SLAIN2: variants seen among roughly 807,000 people sequenced by gnomAD.
SLAIN2 encodes the protein SLAIN motif-containing protein 2.
A neutral mutation model predicts 56.6 loss-of-function variants in SLAIN2; 31 were observed. That is an observed-to-expected ratio of 0.55 (90% CI 0.41 to 0.74). The LOEUF (loss-of-function observed/expected upper bound fraction) is 0.74, where lower values mean the gene tolerates loss of function less well. Among genes scored for constraint, SLAIN2 ranks in the 30% least tolerant of loss-of-function variants. The pLI, the probability that SLAIN2 is intolerant of heterozygous loss-of-function variation, is 0.00. For missense variants in SLAIN2, 777 were observed against 754.2 expected, an observed-to-expected ratio of 1.03 and a Z score of -0.35; for synonymous variants, 317 against 284.9, an observed-to-expected ratio of 1.11 and a Z score of -1.13.
intron 6 of SLAIN2, among the ~76,000 whole-genome samples, chr4:48,404,670 T>C (rs1224567583): frequency 1.3e-5 from 2 of 152,238 alleles, no homozygotes; most frequent in East Asian, 3.8e-4. Flanking sequence ...GATAACATTA[T>C]AGGGTTTATT....
At chr4:48,386,092 A>G (rs1214560371) in intron 6 of SLAIN2, among the ~76,000 whole-genome samples, 1 of 129,534 alleles carries the variant, frequency 7.7e-6, no homozygotes, top group Non-Finnish European at 1.6e-5. Context: ...TATTGAAAGA[A>G]AAAAAAAAAA....
At chr4:48,408,601 G>A (rs1253459078) in intron 6 of SLAIN2, among the ~76,000 whole-genome samples, 1 of 150,506 alleles carries the variant, frequency 6.6e-6, no homozygotes, top group African/African-American at 2.4e-5. Flanking sequence ...TGTAGAATAA[G>A]GATATAAAGA....
intron 6 of SLAIN2, among the ~76,000 whole-genome samples, chr4:48,402,965 C>A (rs1390778266): frequency 6.6e-6 from 1 of 152,172 alleles, no homozygotes; most frequent in Non-Finnish European, 1.5e-5. Flanking sequence ...GCCCTTCTTC[C>A]ATAGGGCTGC....
chr4:48,357,895 C>T (rs1244267814), intron 1 of SLAIN2, among the ~76,000 whole-genome samples: 2 of 151,670 alleles, frequency 1.3e-5, no homozygotes, highest in Non-Finnish European at 2.9e-5. Flanking sequence ...GACAGTGTCT[C>T]ACTATGTTGC....
chr4:48,350,543 G>A (rs1181411952), intron 1 of SLAIN2, among the ~76,000 whole-genome samples: 1 of 152,158 alleles, frequency 6.6e-6, no homozygotes, highest in Non-Finnish European at 1.5e-5. Flanking sequence ...AGAGCACATT[G>A]CATGTGACTC....
At chr4:48,400,316 G>C (rs1390641657) in intron 6 of SLAIN2, among the ~76,000 whole-genome samples, 1 of 151,022 alleles carries the variant, frequency 6.6e-6, no homozygotes, top group Non-Finnish European at 1.5e-5. Flanking sequence ...ATTATCTGAT[G>C]GTTGTTTGTA....
chr4:48,363,950 G>A (rs1350249662), intron 1 of SLAIN2, among the ~76,000 whole-genome samples: 9 of 120,806 alleles, frequency 7.4e-5, no homozygotes, highest in East Asian at 2.4e-4. Context: ...CCTCCCGGAC[G>A]GGGCGGCTGG....
At chr4:48,379,891 C>T in intron 4 of SLAIN2, 43 bp downstream of exon 4, 1 of 1,404,950 alleles carries the variant, frequency 7.1e-7, no homozygotes, top group Non-Finnish European at 9.3e-7. Flanking sequence ...TTTACTATTG[C>T]ATAATTTTGT....
intron 1 of SLAIN2, among the ~76,000 whole-genome samples, chr4:48,344,503 A>G (rs1440175361): frequency 1.3e-5 from 2 of 152,168 alleles, no homozygotes; most frequent in South Asian, 4.1e-4. Context: ...GGATGGAATA[A>G]ATGTGGGAAA....
intron 1 of SLAIN2, among the ~76,000 whole-genome samples, chr4:48,353,151 G>GAA (rs1307772401): frequency 6.6e-6 from 1 of 152,104 alleles, no homozygotes; most frequent in East Asian, 1.9e-4. Context: ...TCAGCAGTGT[G>GAA]AAAACCAACT....
intron 6 of SLAIN2, among the ~76,000 whole-genome samples, chr4:48,414,827 C>T (rs1485741916): frequency 6.1e-5 from 3 of 49,120 alleles, no homozygotes; most frequent in Admixed American, 4.8e-4. Context: ...TTTGTTCTTG[C>T]GATAGTTTAC....
chr4:48,342,177 C>T (rs1360991675), intron 1 of SLAIN2, 49 bp downstream of exon 1: 2 of 1,327,550 alleles, frequency 1.5e-6, no homozygotes, highest in African/African-American at 1.5e-5. Flanking sequence ...GGCCCGGGGG[C>T]GGAGAGCGTC....
intron 6 of SLAIN2, among the ~76,000 whole-genome samples, chr4:48,419,233 G>C (rs1175292687): frequency 6.6e-6 from 1 of 151,852 alleles, no homozygotes; most frequent in Non-Finnish European, 1.5e-5. Flanking sequence ...CTCCCAAGTA[G>C]CTGGGACTAC....
intron 6 of SLAIN2, among the ~76,000 whole-genome samples, chr4:48,402,864 C>T (rs945699158): frequency 1.3e-5 from 2 of 152,130 alleles, no homozygotes; most frequent in African/African-American, 2.4e-5. Flanking sequence ...GCTTATCTAC[C>T]TTTGATCTTT....
At position 48,420,308 on chromosome 4, in the gene SLAIN2, C is replaced by G. The variant is rs753656945; in HGVS notation, c.1544C>G (p.Pro515Arg). ...MVQSTVSANP[P>R]SNINSATLTR... is the part of the protein sequence containing the mutation. ...CAGAGCACAGTCTCAGCAAATCCTCCCAGCAATATCAACAGCGCTACTCTA... is the reference window on the plus strand; with the variant it reads ...CAGAGCACAGTCTCAGCAAATCCTCGCAGCAATATCAACAGCGCTACTCTA... The change falls in exon 7 of 8, where the codon CCC (proline) becomes CGC (arginine). Residue 515 changes from proline to arginine, a missense_variant. Transcript: ENST00000264313. 5.0e-6 allele frequency: 8 copies of G among 1,613,846 alleles called. No homozygotes were observed. Among genetic ancestry groups the G allele is most frequent in the Non-Finnish European group, 6.8e-6 (8 of 1,179,882 alleles).
intron 1 of SLAIN2, among the ~76,000 whole-genome samples, chr4:48,348,689 C>G (rs78425937): frequency 2.0e-5 from 2 of 98,520 alleles, no homozygotes; most frequent in African/African-American, 7.7e-5. Flanking sequence ...GACTCTGTCT[C>G]AAAAAAAAAA....
At chr4:48,350,753 G>C (rs1020172345) in intron 1 of SLAIN2, among the ~76,000 whole-genome samples, 3 of 152,140 alleles carry the variant, frequency 2.0e-5, no homozygotes, top group East Asian at 1.9e-4. Flanking sequence ...TTTAAACTAG[G>C]TCTTTAGGAG....
chr4:48,355,249 T>A (rs1049578351), intron 1 of SLAIN2, among the ~76,000 whole-genome samples: 1 of 152,246 alleles, frequency 6.6e-6, no homozygotes, highest in African/African-American at 2.4e-5. Context: ...ACTTACTTCC[T>A]TGCATTCCTT....
At chr4:48,383,545 CA>C in intron 5 of SLAIN2, 101 bp from the exon 6 acceptor site, 2 of 939,600 alleles carry the variant, frequency 2.1e-6, no homozygotes, top group East Asian at 6.7e-5. Context: ...CTAAAATAAA[CA>C]GAATGTTTGA....
Sources: gnomAD v4.1 joint callset for allele counts (sites outside exome capture counted in the v4.1 genomes callset) on GRCh38, gnomAD v4.1.1 for gene constraint, MANE v1.5 for transcripts, NCBI Gene and HGNC (gene_info 2026-07-23, HGNC 2026-07-21) for gene names.